Variants in TRPM7 observed in about 807,000 individuals in gnomAD.
TRPM7 encodes transient receptor potential cation channel subfamily M member 7.
A neutral mutation model predicts 229.7 loss-of-function variants in TRPM7; 134 were observed. That is an observed-to-expected ratio of 0.58 (90% CI 0.51 to 0.67). TRPM7 has a LOEUF of 0.67. TRPM7 is among the 30% of genes least tolerant of loss of function. The pLI is 0.00. For missense variants in TRPM7, 1,901 were observed against 2,210.0 expected (o/e 0.86, Z 2.80); for synonymous variants, 699 against 715.2 (o/e 0.98, Z 0.36).
Position 50,594,582 on chromosome 15 carries a change from T to C in TRPM7, c.3322A>G (p.Asn1108Asp). ...TAACGCTGGTACTTCCATACAATAT[T>C]GGAAATTGCCTTCACTTGTAAATAC... ...NVYLQVKAIS[N>D]IVWKYQRYHF... Residue 1108 changes from asparagine to aspartate, a missense_variant, in exon 24 of 39, where the codon AAT becomes GAT. Physicochemically the swap from Asn to Asp is conservative, Grantham distance 23. This residue lies in a region of TRPM7 where 89 missense variants were observed against 178.2 expected (regional missense o/e 0.50). Coordinates refer to ENST00000646667, the MANE Select transcript of TRPM7 (RefSeq NM_017672.6). The C allele has an allele frequency of 6.2e-7, 1 of 1,606,206 alleles. No homozygotes were observed. The highest frequency in any genetic ancestry group is 8.5e-7 in the Non-Finnish European group (1 of 1,177,534).
intron 4 of TRPM7, among the ~76,000 whole-genome samples, chr15:50,645,440 C>T (rs2061235761): frequency 6.6e-6 from 1 of 152,104 alleles, no homozygotes; most frequent in Admixed American, 6.6e-5. Context: ...GATTCTCCTG[C>T]CTCAGCCTCC....
At chr15:50,621,351 G>A (rs1349729719) in intron 12 of TRPM7, among the ~76,000 whole-genome samples, 1 of 151,882 alleles carries the variant, frequency 6.6e-6, no homozygotes, top group Non-Finnish European at 1.5e-5. Context: ...GTAATCACAT[G>A]GAAAGGCACT....
chr15:50,614,123 C>A lies in TRPM7; in HGVS notation c.1635G>T (p.Arg545=). Residue 545 remains arginine (R), a splice_region_variant and synonymous_variant, in exon 14 of 39, where the codon CGG becomes CGT. Transcript: ENST00000646667. The part of the protein sequence containing the change: ...LIYNSLGGNN[R]RSGRNTSSST... Reference sequence around the variant, plus strand: ...AGATTTCCCCACAAATTTTACATACCCGATTATTTCCACCAAGACTATTAT... The same window carrying A: ...AGATTTCCCCACAAATTTTACATACACGATTATTTCCACCAAGACTATTAT... 2 of 1,590,926 alleles carry A rather than the reference C, an allele frequency of 1.3e-6. No individual in the cohort carries two copies. The highest frequency in any genetic ancestry group is 8.5e-7 in the Non-Finnish European group (1 of 1,172,420).
intron 31 of TRPM7, among the ~76,000 whole-genome samples, chr15:50,577,539 G>A (rs2054194180): frequency 6.6e-6 from 1 of 152,126 alleles, no homozygotes; most frequent in Non-Finnish European, 1.5e-5. Context: ...GGACGACAGA[G>A]CAAGACTCCT....
rs547525965 is a variant in TRPM7, at chr15:50,620,719, T to TC, written c.1441-922dup. Among the ~76,000 whole-genome samples the TC allele has an allele frequency of 5.3e-5, 8 of 151,980 alleles. No individual in the cohort carries two copies. The South Asian group carries it at 1.5e-3, about 28-fold the overall frequency. ...GCAGAAGCGGGTGGATCACCTGAGG[T>TC]CAGGAGTTCGAGACCAGCCTGACCA... On this transcript the variant is annotated intron_variant, in intron 12 of 38. Transcript: ENST00000646667.
intron 1 of TRPM7, among the ~76,000 whole-genome samples, chr15:50,674,092 G>A (rs1384129756): frequency 6.6e-6 from 1 of 152,140 alleles, no homozygotes; most frequent in Non-Finnish European, 1.5e-5. Context: ...AGGTTCAAGC[G>A]ATTCTCCTGT....
chr15:50,632,886 T>G lies in TRPM7; in HGVS notation c.1114A>C (p.Met372Leu), dbSNP rs778509283. 1.9e-6 allele frequency: 3 copies of G among 1,540,084 alleles called. No homozygotes were observed. The highest frequency in any genetic ancestry group is 2.6e-6 in the Non-Finnish European group (3 of 1,150,850). Residue 372 changes from methionine to leucine, a missense_variant, in exon 9 of 39, where the codon ATG becomes CTG. Transcript: ENST00000646667. ...LHLFQTLMEC[M>L]KRKELITVFH... ...CTACTTACAAGCTCCTTTCTTTTCA[T>G]GCACTCCATCAGTGTTTGAAATAAA... is the stretch of plus-strand genomic sequence containing the variant.
chr15:50,620,824 C>T (rs774882602), intron 12 of TRPM7, among the ~76,000 whole-genome samples: 26 of 152,086 alleles, frequency 1.7e-4, no homozygotes, highest in South Asian at 1.0e-3. Context: ...TCCAGGTACT[C>T]GGGAGGCTGA....
intron 5 of TRPM7, among the ~76,000 whole-genome samples, chr15:50,640,664 C>T (rs944874140): frequency 6.6e-6 from 1 of 152,010 alleles, no homozygotes; most frequent in Admixed American, 6.6e-5. Context: ...GAGACAGGGC[C>T]TTTATATATG....
intron 17 of TRPM7, 53 bp from the exon 18 acceptor site, chr15:50,610,014 T>C: frequency 8.0e-7 from 1 of 1,252,072 alleles, no homozygotes; most frequent in Non-Finnish European, 1.1e-6. Flanking sequence ...CCTTCAAGAA[T>C]ATAATAAAAA....
chr15:50,638,386 A>T (rs1249583480), intron 6 of TRPM7, among the ~76,000 whole-genome samples: 2 of 141,678 alleles, frequency 1.4e-5, no homozygotes, highest in African/African-American at 2.6e-5. Flanking sequence ...AAAAAAAAAA[A>T]AAAAAAAAAA....
intron 10 of TRPM7, among the ~76,000 whole-genome samples, chr15:50,630,821 C>T (rs1359452262): frequency 6.6e-6 from 1 of 152,034 alleles, no homozygotes; most frequent in African/African-American, 2.4e-5. Context: ...ACAGAGTGCA[C>T]ACCACCATGC....
chr15:50,647,848 T>C (rs973601101), intron 4 of TRPM7, among the ~76,000 whole-genome samples: 18 of 152,218 alleles, frequency 1.2e-4, no homozygotes, highest in African/African-American at 2.4e-4. Flanking sequence ...AGAAAAAACA[T>C]TGAGCCTATA....
intron 21 of TRPM7, 31 bp from the exon 22 acceptor site, chr15:50,599,327 A>C (rs768414152): frequency 6.5e-7 from 1 of 1,536,806 alleles, no homozygotes; most frequent in Admixed American, 1.8e-5. Context: ...TTAAAATACA[A>C]GGAAGTTTAA....
intron 29 of TRPM7, among the ~76,000 whole-genome samples, chr15:50,582,086 C>A (rs1254714778): frequency 2.6e-5 from 4 of 152,100 alleles, no homozygotes; most frequent in Non-Finnish European, 5.9e-5. Context: ...CTTCAGCCTC[C>A]CGAGTAGCTG....
intron 11 of TRPM7, among the ~76,000 whole-genome samples, chr15:50,625,674 T>C (rs921243705): frequency 6.6e-6 from 1 of 152,182 alleles, no homozygotes. Flanking sequence ...GTACTGGAAT[T>C]AGAGGCATGA....
rs138334337 is a variant in TRPM7 at position 50,571,015 on chromosome 15, T to C, written c.5309-860A>G. Among the ~76,000 whole-genome samples, 681 of 152,288 alleles carry C rather than the reference T, an allele frequency of 4.5e-3. 5 individuals carry two copies. Among genetic ancestry groups the C allele is most frequent in the African/African-American group, 0.016 (645 of 41,558 alleles). ...CCTCCAGCCCTCTCCAGAAGTATTA[T>C]GATTAAATCCTTCCAGTCTCTTACA... On this transcript the variant is annotated intron_variant, in intron 36 of 38. Coordinates refer to ENST00000646667, the MANE Select transcript of TRPM7 (RefSeq NM_017672.6).
At chr15:50,672,635 T>C (rs12909531) in intron 1 of TRPM7, among the ~76,000 whole-genome samples, 81,833 of 151,434 alleles carry the variant, frequency 0.54, 22,330 homozygotes, top group Admixed American at 0.62. Flanking sequence ...AGTAGCCAGG[T>C]GCGGTGGCTC....
At chr15:50,574,195 T>A in intron 36 of TRPM7, 79 bp downstream of exon 36, 1 of 1,129,658 alleles carries the variant, frequency 8.9e-7, no homozygotes, top group South Asian at 1.4e-5. Context: ...TATCTATAAA[T>A]TAGCAGATTC....
Sources: gnomAD v4.1 joint callset for allele counts (sites outside exome capture counted in the v4.1 genomes callset) on GRCh38, gnomAD v4.1.1 for gene constraint, gnomAD v4.1.1 regional missense constraint, MANE v1.5 for transcripts, NCBI Gene and HGNC (gene_info 2026-07-23, HGNC 2026-07-21) for gene names.